PRIMPOL: variants seen among roughly 807,000 people sequenced by gnomAD.
PRIMPOL encodes the protein primase and DNA directed polymerase, also known as DNA-directed primase/polymerase protein.
A neutral mutation model predicts 63.6 loss-of-function variants in PRIMPOL; 54 were observed. The ratio of observed to expected loss-of-function variants is 0.85; its 90% CI spans 0.68 to 1.07. PRIMPOL has a LOEUF of 1.07. Ranked by LOEUF, PRIMPOL falls within the 50% of genes least tolerant of loss-of-function variation. The pLI, the probability that PRIMPOL is intolerant of heterozygous loss-of-function variation, is 0.00. For missense variants in PRIMPOL, 610 were observed against 648.3 expected (o/e 0.94, Z 0.64); for synonymous variants, 197 against 220.2 (o/e 0.89, Z 0.93).
At chr4:184,670,961 A>C (rs1751447960) in intron 6 of PRIMPOL, among the ~76,000 whole-genome samples, 1 of 150,990 alleles carries the variant, frequency 6.6e-6, no homozygotes, top group South Asian at 2.1e-4. Flanking sequence ...GAATGAATCT[A>C]AACAATAACA....
At position 184,682,351 on chromosome 4, in the gene PRIMPOL, G is replaced by T. The variant is rs1220900089; in HGVS notation, c.1096+15G>T. 3 of 1,444,952 alleles carry T rather than the reference G, an allele frequency of 2.1e-6. No individual in the cohort carries two copies. 89.5% of individuals were successfully genotyped at this position (1,444,952 alleles called of 1,614,324 possible). ...CGGCACTTCAGGTAAATTTTTTGAT[G>T]TTTGTTTTTCTTTTTGAGACAGCAT... On this transcript the variant is annotated intron_variant, in intron 9 of 13. Coordinates refer to ENST00000314970, the MANE Select transcript of PRIMPOL (RefSeq NM_152683.4).
chr4:184,670,377 T>G lies in PRIMPOL; in HGVS notation c.557-1796T>G, dbSNP rs991019378. Among the ~76,000 whole-genome samples, 5 of 152,192 alleles carry G rather than the reference T, an allele frequency of 3.3e-5. No homozygotes were observed. The East Asian group carries it at 9.6e-4, about 29-fold the overall frequency. On this transcript the variant is annotated intron_variant, in intron 6 of 13. Transcript: ENST00000314970. Reference sequence around the variant, plus strand: ...TTAGGTTTATATGGCTTTGTTGTCCTTTGATATGTTGTGATTTCTTTTCAC... The same window carrying G: ...TTAGGTTTATATGGCTTTGTTGTCCGTTGATATGTTGTGATTTCTTTTCAC...
At chr4:184,691,456 C>A in intron 11 of PRIMPOL, 43 bp from the exon 12 acceptor site, 1 of 1,199,366 alleles carries the variant, frequency 8.3e-7, no homozygotes, top group Non-Finnish European at 1.2e-6. Context: ...GTTTTCTACC[C>A]AGTCTTGGTA....
At chr4:184,690,140 G>A (rs1368638258) in intron 11 of PRIMPOL, among the ~76,000 whole-genome samples, 1 of 152,052 alleles carries the variant, frequency 6.6e-6, no homozygotes, top group Non-Finnish European at 1.5e-5. Flanking sequence ...TAAAATGTGG[G>A]AACATTTTCA....
At position 184,657,139 on chromosome 4, in the gene PRIMPOL, CAA is replaced by C; in HGVS notation, c.-1_1del. ...ATTTATTCTCTCCACACTTCTGAAC[CAA>C]TGAATAGAAAATGGGAAGCAAAACT... On this transcript the variant is annotated start_lost and 5_prime_UTR_variant, in exon 3 of 14. Transcript: ENST00000314970. 1 of 1,603,036 alleles carries C rather than the reference CAA, an allele frequency of 6.2e-7. No homozygotes were observed. Among genetic ancestry groups the C allele is most frequent in the South Asian group, 1.1e-5 (1 of 89,026 alleles).
chr4:184,672,018 G>A (rs982881980), intron 6 of PRIMPOL, among the ~76,000 whole-genome samples, 155 bp from the exon 7 acceptor site: 2 of 152,240 alleles, frequency 1.3e-5, no homozygotes, highest in Non-Finnish European at 2.9e-5. Context: ...GGGATTACAG[G>A]CGTGAGCCAC....
Position 184,672,408 on chromosome 4 carries a change from A to C in PRIMPOL, c.792A>C (p.Ser264=). The change falls in exon 7 of 14, where the codon TCA becomes TCC. Residue 264 remains serine, a synonymous_variant. Transcript: ENST00000314970. ...GSAEQSSPDL[S]FLVVKNNMGE... is the part of the protein sequence containing the mutation. ...CTGAGCAAAGCAGTCCTGACCTTTC[A>C]TTTCTAGTTGTGAAGAATAACATGG... The C allele has an allele frequency of 1.2e-6, 2 of 1,612,974 alleles. No individual in the cohort carries two copies. The highest frequency in any genetic ancestry group is 8.5e-7 in the Non-Finnish European group (1 of 1,179,760).
intron 2 of PRIMPOL, among the ~76,000 whole-genome samples, chr4:184,655,005 CT>C (rs376411752): frequency 2.2e-4 from 32 of 148,456 alleles, no homozygotes; most frequent in South Asian, 2.1e-3. Context: ...TGTACTATCC[CT>C]TTTTTTTTTC....
intron 7 of PRIMPOL, among the ~76,000 whole-genome samples, chr4:184,673,395 C>T (rs1752415498): frequency 6.7e-6 from 1 of 150,354 alleles, no homozygotes; most frequent in African/African-American, 2.5e-5. Context: ...TCCCAAAGTA[C>T]TGGGATTACA....
Position 184,691,555 on chromosome 4 carries a change from G to T in PRIMPOL, c.1352G>T (p.Cys451Phe), listed in dbSNP as rs1758539197. Reference sequence around the variant, plus strand: ...TATCAAAAATGTCATGACCCTGTATGTAAAGCAGAAAACTTCAAATCTGAC... The same window carrying T: ...TATCAAAAATGTCATGACCCTGTATTTAAAGCAGAAAACTTCAAATCTGAC... ...VWYQKCHDPVCKAENFKSDCF... is the reference protein window; with the variant it reads ...VWYQKCHDPVFKAENFKSDCF... Residue 451 changes from cysteine to phenylalanine, a missense_variant, in exon 12 of 14, where the codon TGT becomes TTT. By Grantham distance (205) the Cys-to-Phe change is radical. This residue lies in a region of PRIMPOL where 444 missense variants were observed against 456.4 expected (regional missense o/e 0.97). Coordinates refer to ENST00000314970, the MANE Select transcript of PRIMPOL (RefSeq NM_152683.4). 1 of 1,608,000 alleles carries T rather than the reference G, an allele frequency of 6.2e-7. No individual in the cohort carries two copies. The highest frequency in any genetic ancestry group is 1.7e-5 in the Admixed American group (1 of 59,856).
At chr4:184,668,784 A>G (rs1453754289) in intron 6 of PRIMPOL, among the ~76,000 whole-genome samples, 1 of 151,928 alleles carries the variant, frequency 6.6e-6, no homozygotes, top group Non-Finnish European at 1.5e-5. Flanking sequence ...CATCTCCTCT[A>G]TTCTACTTAA....
In PRIMPOL at chr4:184,657,081, G is replaced by T; in HGVS notation, c.-59-1G>T. The T allele has an allele frequency of 8.1e-7, 1 of 1,233,802 alleles. No homozygotes were observed. Among genetic ancestry groups the T allele is most frequent in the Non-Finnish European group, 1.1e-6 (1 of 919,682 alleles). The allele number at this position is 1,233,802 out of a possible 1,614,324, so 76.4% of individuals were successfully genotyped here. On this transcript the variant is annotated splice_acceptor_variant, in intron 2 of 13. Transcript: ENST00000314970. LOFTEE classifies it low-confidence loss of function (5UTR_SPLICE). ...GCCTTTTTGTTTGTTGTTTGTTTTA[G>T]TAGTAATTGATAGAAATATTACGTG...
At chr4:184,693,344 G>A (rs1333336946) in intron 13 of PRIMPOL, among the ~76,000 whole-genome samples, 2 of 152,110 alleles carry the variant, frequency 1.3e-5, no homozygotes, top group Non-Finnish European at 2.9e-5. Context: ...TTAGATATTC[G>A]TGGTTGCAGT....
chr4:184,692,591 C>T (rs1759030744), intron 13 of PRIMPOL, among the ~76,000 whole-genome samples: 2 of 151,622 alleles, frequency 1.3e-5, no homozygotes, highest in Admixed American at 6.6e-5. Context: ...CGTTTTGGCA[C>T]GTACCTTCGA....
chr4:184,686,043 A>T (rs1488335223), intron 11 of PRIMPOL, among the ~76,000 whole-genome samples: 1 of 152,038 alleles, frequency 6.6e-6, no homozygotes, highest in Non-Finnish European at 1.5e-5. Flanking sequence ...CTTGTGATCC[A>T]CCCACCTCAG....
At chr4:184,670,769 A>T (rs1227966403) in intron 6 of PRIMPOL, among the ~76,000 whole-genome samples, 1 of 152,096 alleles carries the variant, frequency 6.6e-6, no homozygotes, top group East Asian at 1.9e-4. Flanking sequence ...GCTGGTCTCA[A>T]ACTCCTTACC....
intron 8 of PRIMPOL, among the ~76,000 whole-genome samples, chr4:184,681,455 T>TA (rs1172344054): frequency 6.6e-6 from 1 of 152,210 alleles, no homozygotes; most frequent in Non-Finnish European, 1.5e-5. Context: ...TATAATACTG[T>TA]AAATCCTTCT....
At chr4:184,683,008 C>T (rs1756054989) in intron 9 of PRIMPOL, among the ~76,000 whole-genome samples, 1 of 152,178 alleles carries the variant, frequency 6.6e-6, no homozygotes, top group Non-Finnish European at 1.5e-5. Context: ...CTTGTTGGTG[C>T]CATTGCACTC....
Position 184,661,795 on chromosome 4 carries a change from T to C in PRIMPOL, c.300T>C (p.Tyr100=), listed in dbSNP as rs772300445. ...YKSRKNLLHC[Y]EVIPENAVCK... is the part of the protein sequence containing the mutation. ...TTAGAAAAAATCTCTTACACTGCTA[T>C]GAAGTTATTCCTGAAAATGCTGTGT... Residue 100 remains tyrosine, a synonymous_variant, in exon 5 of 14, where the codon TAT becomes TAC. Coordinates refer to ENST00000314970, the MANE Select transcript of PRIMPOL (RefSeq NM_152683.4). 1.9e-6 allele frequency: 3 copies of C among 1,611,454 alleles called. No homozygotes were observed. The highest frequency in any genetic ancestry group is 2.5e-6 in the Non-Finnish European group (3 of 1,178,102).
Sources: gnomAD v4.1 joint callset for allele counts (sites outside exome capture counted in the v4.1 genomes callset) on GRCh38, gnomAD v4.1.1 for gene constraint, gnomAD v4.1.1 regional missense constraint, MANE v1.5 for transcripts, NCBI Gene and HGNC (gene_info 2026-07-23, HGNC 2026-07-21) for gene names.